Variants in GABPA observed in about 807,000 individuals in gnomAD.
GABPA encodes GA binding protein transcription factor subunit alpha.
GABPA carries 4 observed loss-of-function variants against 59.4 expected under a neutral mutation model. The observed-to-expected ratio is 0.07, with a 90% CI of 0.03 to 0.15. GABPA has a LOEUF of 0.15. Among genes scored for constraint, GABPA ranks in the 10% least tolerant of loss-of-function variants. The pLI, the probability that GABPA is intolerant of heterozygous loss-of-function variation, is 1.00. For missense variants in GABPA, 251 were observed against 543.8 expected (o/e 0.46, Z 5.36); for synonymous variants, 164 against 183.1 (o/e 0.90, Z 0.84).
At chr21:25,764,545 G>A (rs752062513) in intron 8 of GABPA, 50 bp from the exon 9 acceptor site, 4 of 1,538,256 alleles carry the variant, frequency 2.6e-6, no homozygotes, top group Non-Finnish European at 3.6e-6. Context: ...CTTTGCCTTG[G>A]GCTAATCTAT....
At chr21:25,742,926 C>T (rs370166698) in intron 2 of GABPA, among the ~76,000 whole-genome samples, 8 of 146,278 alleles carry the variant, frequency 5.5e-5, no homozygotes, top group South Asian at 4.3e-4. Flanking sequence ...GGACAAGGTG[C>T]GGTCTCAAAA....
At chr21:25,747,355 C>T (rs766216838) in intron 3 of GABPA, among the ~76,000 whole-genome samples, 1 of 152,104 alleles carries the variant, frequency 6.6e-6, no homozygotes, top group Non-Finnish European at 1.5e-5. Flanking sequence ...TTGACCTATC[C>T]AAAATGAAAG....
At chr21:25,766,387 C>A (rs761067731) in intron 9 of GABPA, among the ~76,000 whole-genome samples, 1 of 151,888 alleles carries the variant, frequency 6.6e-6, no homozygotes, top group African/African-American at 2.4e-5. Flanking sequence ...AGGACTAATT[C>A]TAAAGGGAAA....
intron 4 of GABPA, among the ~76,000 whole-genome samples, chr21:25,750,889 T>C (rs1391085109): frequency 6.6e-6 from 1 of 152,198 alleles, no homozygotes; most frequent in Non-Finnish European, 1.5e-5. Context: ...ATATTTTTGA[T>C]TCTGATTGTT....
chr21:25,765,547 G>A (rs1409690981), intron 9 of GABPA, among the ~76,000 whole-genome samples: 1 of 151,828 alleles, frequency 6.6e-6, no homozygotes, highest in African/African-American at 2.4e-5. Flanking sequence ...TTTTGGTTCA[G>A]CGAGTATTCA....
chr21:25,737,463 C>CCGAGTAA (rs1479030824), intron 1 of GABPA, among the ~76,000 whole-genome samples: 2 of 152,092 alleles, frequency 1.3e-5, no homozygotes, highest in African/African-American at 4.8e-5. Flanking sequence ...ATTTAAGAAA[C>CCGAGTAA]TGAGTAATTT....
At chr21:25,753,581 A>G (rs931836696) in intron 5 of GABPA, among the ~76,000 whole-genome samples, 2 of 151,990 alleles carry the variant, frequency 1.3e-5, no homozygotes, top group Non-Finnish European at 2.9e-5. Flanking sequence ...TGCTGCTGAG[A>G]AAGTCAAAGA....
At chr21:25,751,341 G>C (rs1365300637) in intron 4 of GABPA, among the ~76,000 whole-genome samples, 5 of 150,974 alleles carry the variant, frequency 3.3e-5, no homozygotes, top group African/African-American at 9.7e-5. Context: ...CTGGATAGTT[G>C]AGGAGCCTTT....
rs755203214 is a variant in GABPA at position 25,752,207 on chromosome 21, G to C, written c.526G>C (p.Glu176Gln). ...TGCTGCACTGGAAGGCTATAGGAAAGAACAAGAACGCCTTGGGATACCCTA... is the reference window on the plus strand; with the variant it reads ...TGCTGCACTGGAAGGCTATAGGAAACAACAAGAACGCCTTGGGATACCCTA... The part of the protein sequence containing the change: ...WAAALEGYRK[E>Q]QERLGIPYDP... The change falls in exon 5 of 10, where the codon GAA becomes CAA. Residue 176 changes from glutamate (E) to glutamine (Q), a missense_variant. Around this residue, in one of 4 missense-constraint regions of GABPA, gnomAD observed 207 missense variants for 366.7 expected, o/e 0.56. Transcript: ENST00000400075. The C allele has an allele frequency of 6.2e-7, 1 of 1,612,922 alleles. No individual in the cohort carries two copies. Among genetic ancestry groups the C allele is most frequent in the Non-Finnish European group, 8.5e-7 (1 of 1,179,528 alleles).
chr21:25,751,218 T>C (rs1038618576), intron 4 of GABPA, among the ~76,000 whole-genome samples: 3 of 151,896 alleles, frequency 2.0e-5, no homozygotes, highest in Middle Eastern at 3.2e-3. Context: ...TTTTATGGCA[T>C]AATTTCTTGG....
intron 7 of GABPA, chr21:25,763,228 T>A (rs1010681144): frequency 2.1e-6 from 1 of 479,612 alleles, no homozygotes; most frequent in Non-Finnish European, 4.0e-6. Flanking sequence ...AACATTACTG[T>A]CTAGTTTGAG....
intron 4 of GABPA, among the ~76,000 whole-genome samples, chr21:25,749,856 G>C (rs1203983062): frequency 6.6e-6 from 1 of 152,162 alleles, no homozygotes; most frequent in East Asian, 1.9e-4. Flanking sequence ...TAAAAAAATA[G>C]ATGTTATCTG....
At chr21:25,736,963 T>C (rs942906636) in intron 1 of GABPA, among the ~76,000 whole-genome samples, 1 of 152,216 alleles carries the variant, frequency 6.6e-6, no homozygotes, top group Non-Finnish European at 1.5e-5. Flanking sequence ...ACTCCACTTA[T>C]AATATATTGG....
intron 6 of GABPA, among the ~76,000 whole-genome samples, chr21:25,761,103 G>A (rs779499860): frequency 7.9e-5 from 12 of 152,204 alleles, no homozygotes; most frequent in Admixed American, 3.9e-4. Flanking sequence ...CATAAAGTGC[G>A]TATTTTTTTT....
intron 1 of GABPA, among the ~76,000 whole-genome samples, chr21:25,738,813 C>T (rs1201824323): frequency 6.6e-6 from 1 of 152,122 alleles, no homozygotes; most frequent in East Asian, 1.9e-4. Flanking sequence ...TACTCGGTTT[C>T]CACCTGTTTT....
intron 9 of GABPA, among the ~76,000 whole-genome samples, chr21:25,765,650 T>C (rs986600801): frequency 6.6e-6 from 1 of 151,966 alleles, no homozygotes; most frequent in Non-Finnish European, 1.5e-5. Context: ...TCAGAGTTCA[T>C]GAGTAACTAA....
rs945811964 is a variant in GABPA at position 25,771,213 on chromosome 21, T to C, written c.*1981T>C. On this transcript the variant is annotated 3_prime_UTR_variant, in exon 10 of 10. Coordinates refer to ENST00000400075, the MANE Select transcript of GABPA (RefSeq NM_002040.4). ...TTTAAAATGCTTTTGGGGAGACATA[T>C]ATTAAAATTTTAGCCAAGATGATAG... 6.6e-6 allele frequency: 1 copy of C among 152,008 alleles called. No individual in the cohort carries two copies. The highest frequency in any genetic ancestry group is 2.4e-5 in the African/African-American group (1 of 41,450). The allele number at this position is 152,008 out of a possible 1,614,324, so 9.4% of individuals were successfully genotyped here.
chr21:25,752,446 A>G, intron 5 of GABPA: 2 of 555,576 alleles, frequency 3.6e-6, no homozygotes, highest in Admixed American at 3.2e-5. Context: ...AGTCTAAAAA[A>G]TTTCTGCTCT....
At chr21:25,746,961 A>G (rs1386042972) in intron 3 of GABPA, among the ~76,000 whole-genome samples, 6 of 152,202 alleles carry the variant, frequency 3.9e-5, no homozygotes, top group Admixed American at 6.5e-5. Flanking sequence ...AACTTGAGCT[A>G]TATGGGCAAG....
Sources: allele counts gnomAD v4.1 joint callset (sites outside exome capture counted in the v4.1 genomes callset), GRCh38; gene constraint gnomAD v4.1.1; regional missense constraint gnomAD v4.1.1; transcripts MANE v1.5; gene names NCBI Gene and HGNC (gene_info 2026-07-23, HGNC 2026-07-21).